NSD2: variants seen among roughly 807,000 people sequenced by gnomAD.
NSD2 encodes histone-lysine N-methyltransferase NSD2.
Under a neutral mutation model 139.0 loss-of-function variants are expected in NSD2, and 12 were observed. The observed-to-expected ratio is 0.09, with a 90% CI of 0.06 to 0.14. NSD2 has a LOEUF of 0.14. NSD2 is among the 10% of genes least tolerant of loss of function. The pLI is 1.00. For missense variants in NSD2, 1,155 were observed against 1,745.0 expected (o/e 0.66, Z 6.02); for synonymous variants, 669 against 648.7 (o/e 1.03, Z -0.48).
In NSD2 at chr4:1,974,040, A is replaced by C. The variant is rs1488681554; in HGVS notation, c.3373-823A>C. Among the ~76,000 whole-genome samples, 1 of 152,070 alleles carries C rather than the reference A, an allele frequency of 6.6e-6. No homozygotes were observed. The highest frequency in any genetic ancestry group is 1.5e-5 in the Non-Finnish European group (1 of 67,992). On this transcript the variant is annotated intron_variant, in intron 18 of 21. Transcript: ENST00000508803. The surrounding 1 kb of genome is among the most constrained non-coding windows in gnomAD (Gnocchi z 4.0). ...TGGCCCTTATCAGGTTGCTGCCTCGAAAGCCTTCCTGCCGGCCCTGCAGCC... is the reference window on the plus strand; with the variant it reads ...TGGCCCTTATCAGGTTGCTGCCTCGCAAGCCTTCCTGCCGGCCCTGCAGCC...
rs1717599597 is a variant in NSD2 at position 1,904,317 on chromosome 4, C to T, written c.699C>T (p.Tyr233=). 1.2e-6 allele frequency: 2 copies of T among 1,614,106 alleles called. No homozygotes were observed. Among genetic ancestry groups the T allele is most frequent in the Non-Finnish European group, 1.7e-6 (2 of 1,179,986 alleles). The change falls in exon 3 of 22, where the codon TAC becomes TAT. Residue 233 remains tyrosine (Y), a synonymous_variant. Coordinates refer to ENST00000508803, the MANE Select transcript of NSD2 (RefSeq NM_001042424.3). The part of the protein sequence containing the change: ...GDLVWSKVSG[Y]PWWPCMVSAD... ...TGGTGTGGTCCAAAGTGTCGGGTTACCCTTGGTGGCCTTGCATGGTTTCTG... is the reference window on the plus strand; with the variant it reads ...TGGTGTGGTCCAAAGTGTCGGGTTATCCTTGGTGGCCTTGCATGGTTTCTG...
At position 1,981,642 on chromosome 4, in the gene NSD2, G is replaced by C. The variant is rs73796676; in HGVS notation, c.*2733G>C. On this transcript the variant is annotated 3_prime_UTR_variant, in exon 22 of 22. Transcript: ENST00000508803. ...GAACCCAGCTGTCCGTCCTCAGGCC[G>C]GCCTTTCTTCCGGCGACACCCGTCC... is the stretch of plus-strand genomic sequence containing the variant. 0.012 allele frequency: 4,833 copies of C among 386,750 alleles called. 202 individuals are homozygous for C. Among genetic ancestry groups the C allele is most frequent in the African/African-American group, 0.089 (4,341 of 48,520 alleles). 24.0% of individuals were successfully genotyped at this position (386,750 alleles called of 1,614,324 possible).
intron 9 of NSD2, chr4:1,944,512 C>G: frequency 9.4e-7 from 1 of 1,065,672 alleles, no homozygotes; most frequent in African/African-American, 1.6e-5. Context: ...ATCTTCCACA[C>G]ACTATGTCTG....
At position 1,938,488 on chromosome 4, in the gene NSD2, C is replaced by G. The variant is rs763018932; in HGVS notation, c.1712C>G (p.Ser571Cys). 7.3e-7 allele frequency: 1 copy of G among 1,367,474 alleles called. No homozygotes were observed. The highest frequency in any genetic ancestry group is 4.1e-5 in the East Asian group (1 of 24,372). 84.7% of individuals were successfully genotyped at this position (1,367,474 alleles called of 1,614,324 possible). ...TITDKTARTS[S>C]YKAMEAASSL... is the part of the protein sequence containing the mutation. ...ACTGACAAAACGGCCAGAACAAGCTCTTACAAGGCCATGGAGGCAGCCTCC... is the reference window on the plus strand; with the variant it reads ...ACTGACAAAACGGCCAGAACAAGCTGTTACAAGGCCATGGAGGCAGCCTCC... Residue 571 changes from serine (S) to cysteine (C), a missense_variant, in exon 8 of 22, where the codon TCT (serine) becomes TGT (cysteine). This residue lies in a region of NSD2 where 420 missense variants were observed against 469.0 expected (regional missense o/e 0.90). Coordinates refer to ENST00000508803, the MANE Select transcript of NSD2 (RefSeq NM_001042424.3).
rs894475713 is a variant in NSD2, at chr4:1,976,800, T to C, written c.3826+121T>C. 16 of 1,041,342 alleles carry C rather than the reference T, an allele frequency of 1.5e-5. No homozygotes were observed. The African/African-American group carries it at 2.1e-4, about 14-fold the overall frequency. The allele number at this position is 1,041,342 out of a possible 1,614,324, so 64.5% of individuals were successfully genotyped here. ...TGGGTGCAGGCACATCAGGCGCTCA[T>C]GCAGCGAAGGCCCTGATCCAGGGTG... On this transcript the variant is annotated intron_variant, in intron 21 of 21. Transcript: ENST00000508803. This position sits in a 1 kb window ranked among gnomAD's most constrained non-coding sequence, Gnocchi z 5.3.
chr4:1,926,523 T>G (rs1002858184), intron 5 of NSD2, among the ~76,000 whole-genome samples: 1 of 152,110 alleles, frequency 6.6e-6, no homozygotes, highest in Non-Finnish European at 1.5e-5. Flanking sequence ...CAGGCTGGAT[T>G]GCAGTGGCAC....
rs368166556 is a variant in NSD2, at chr4:1,976,432, G to A, written c.3622-43G>A. On this transcript the variant is annotated intron_variant, in intron 20 of 21. Transcript: ENST00000508803. The surrounding 1 kb of genome is among the most constrained non-coding windows in gnomAD (Gnocchi z 5.3). The stretch of plus-strand genomic sequence containing the variant: ...TCTTCTGCCCTATTTGCTTCAGCCT[G>A]TGTAATTCTTTCCGGTGATCTGTGC... The A allele has an allele frequency of 1.8e-4, 286 of 1,593,566 alleles. No individual in the cohort carries two copies. Among genetic ancestry groups the A allele is most frequent in the Non-Finnish European group, 2.2e-4 (263 of 1,169,234 alleles).
At chr4:1,966,324 T>C (rs1462445750) in intron 18 of NSD2, among the ~76,000 whole-genome samples, 1 of 150,642 alleles carries the variant, frequency 6.6e-6, no homozygotes, top group Non-Finnish European at 1.5e-5. Context: ...GTTGTAACCG[T>C]GGTTTATAAC....
chr4:1,943,847 A>G (rs1723354360), intron 9 of NSD2: 1 of 1,062,974 alleles, frequency 9.4e-7, no homozygotes, highest in Non-Finnish European at 1.1e-6. Context: ...GTGAAAATGA[A>G]GGGATTTCAT....
chr4:1,947,346 G>A (rs1723738123), intron 9 of NSD2: 1 of 1,061,838 alleles, frequency 9.4e-7, no homozygotes, highest in South Asian at 4.6e-5. Flanking sequence ...ACCTGCTTGG[G>A]GCTATGTGGC....
chr4:1,939,301 G>T (rs1032598172), intron 8 of NSD2: 12 of 262,154 alleles, frequency 4.6e-5, no homozygotes, highest in African/African-American at 2.4e-4. Flanking sequence ...GTGGTTATAT[G>T]TAAGACTTTA....
At chr4:1,881,588 G>A (rs1055238956) in intron 1 of NSD2, among the ~76,000 whole-genome samples, 2 of 152,134 alleles carry the variant, frequency 1.3e-5, no homozygotes, top group African/African-American at 4.8e-5. Flanking sequence ...ATAGAGACAG[G>A]GTTTTGCCAT....
chr4:1,975,119 G>A, intron 19 of NSD2, 115 bp downstream of exon 19: 1 of 1,530,488 alleles, frequency 6.5e-7, no homozygotes, highest in Non-Finnish European at 8.9e-7. Context: ...GTGCTGATGT[G>A]GAGTCTCTTT....
chr4:1,974,096 G>A lies in NSD2; in HGVS notation c.3373-767G>A, dbSNP rs1201441758. On this transcript the variant is annotated intron_variant, in intron 18 of 21. Transcript: ENST00000508803. This position sits in a 1 kb window ranked among gnomAD's most constrained non-coding sequence, Gnocchi z 4.0. ...TCATCTCAGCCAACGCCACATCAGC[G>A]CCATGGGTGCAAAGTCAGAGCTCAC... Among the ~76,000 whole-genome samples the A allele has an allele frequency of 6.6e-6, 1 of 152,174 alleles. No homozygotes were observed. Among genetic ancestry groups the A allele is most frequent in the East Asian group, 1.9e-4 (1 of 5,198 alleles).
Position 1,956,148 on chromosome 4 carries a change from C to T in NSD2, c.2841C>T (p.Arg947=). The T allele has an allele frequency of 6.2e-7, 1 of 1,613,846 alleles. No individual in the cohort carries two copies. Among genetic ancestry groups the T allele is most frequent in the Non-Finnish European group, 8.5e-7 (1 of 1,179,956 alleles). ...ACATGGAGGGGGACCGGGGCAGCCGCTACCAGGGGGTCAGAGGGATCGGAA... is the reference window on the plus strand; with the variant it reads ...ACATGGAGGGGGACCGGGGCAGCCGTTACCAGGGGGTCAGAGGGATCGGAA... The part of the protein sequence containing the change: ...FPYMEGDRGS[R]YQGVRGIGRV... The change falls in exon 15 of 22, where the codon CGC becomes CGT. Residue 947 remains arginine (R), a synonymous_variant. Transcript: ENST00000508803. This position sits in a 1 kb window ranked among gnomAD's most constrained non-coding sequence, Gnocchi z 5.3.
intron 1 of NSD2, among the ~76,000 whole-genome samples, chr4:1,890,851 C>T (rs183290751): frequency 6.6e-5 from 10 of 152,244 alleles, no homozygotes; most frequent in Admixed American, 1.3e-4. Flanking sequence ...CCTGCCTCAG[C>T]CTCCCAAAGT....
chr4:1,956,067 G>A lies in NSD2; in HGVS notation c.2760G>A (p.Val920=), dbSNP rs1724772123. The A allele has an allele frequency of 6.2e-7, 1 of 1,613,876 alleles. No individual in the cohort carries two copies. Among genetic ancestry groups the A allele is most frequent in the African/African-American group, 1.3e-5 (1 of 74,926 alleles). Residue 920 remains valine, a synonymous_variant, in exon 15 of 22, where the codon GTG becomes GTA. Coordinates refer to ENST00000508803, the MANE Select transcript of NSD2 (RefSeq NM_001042424.3). The surrounding 1 kb of genome is among the most constrained non-coding windows in gnomAD (Gnocchi z 5.3). The part of the protein sequence containing the change: ...KMKHEIGEFP[V]FFFGSKDYYW... Reference sequence around the variant, plus strand: ...AGCACGAGATTGGAGAATTCCCTGTGTTTTTCTTTGGGTCTAAAGATTATT... The same window carrying A: ...AGCACGAGATTGGAGAATTCCCTGTATTTTTCTTTGGGTCTAAAGATTATT...
chr4:1,945,427 C>G (rs1723522481), intron 9 of NSD2: 1 of 1,064,374 alleles, frequency 9.4e-7, no homozygotes, highest in Non-Finnish European at 1.1e-6. Context: ...GCTGCCAGAA[C>G]AAGTGCTGGG....
At chr4:1,922,203 A>G (rs951282704) in intron 5 of NSD2, among the ~76,000 whole-genome samples, 5 of 152,206 alleles carry the variant, frequency 3.3e-5, no homozygotes, top group African/African-American at 1.2e-4. Flanking sequence ...TTGTTTGCAG[A>G]AGTCTATGTA....
Sources: gnomAD v4.1 joint callset for allele counts (sites outside exome capture counted in the v4.1 genomes callset) on GRCh38, gnomAD v4.1.1 for gene constraint, gnomAD v4.1.1 regional missense constraint, Gnocchi (gnomAD v3.1) non-coding constraint, MANE v1.5 for transcripts, NCBI Gene and HGNC (gene_info 2026-07-23, HGNC 2026-07-21) for gene names.